FAM222A: variants seen among roughly 807,000 people sequenced by gnomAD.
FAM222A encodes protein FAM222A.
In FAM222A, 7 loss-of-function variants were observed where a neutral mutation model predicts 25.8. That is an observed-to-expected ratio of 0.27 (90% CI 0.15 to 0.51). FAM222A has a LOEUF of 0.51. FAM222A is among the 20% of genes least tolerant of loss of function. FAM222A has a pLI of 0.97. For missense variants in FAM222A, 573 were observed against 640.5 expected (o/e 0.89, Z 1.14); for synonymous variants, 294 against 298.8 (o/e 0.98, Z 0.17).
intron 2 of FAM222A, among the ~76,000 whole-genome samples, chr12:109,766,704 G>A (rs1889061019): frequency 6.6e-6 from 1 of 152,252 alleles, no homozygotes; most frequent in East Asian, 1.9e-4. Flanking sequence ...CCAAGCACTG[G>A]CAGGTTGTGG....
chr12:109,768,147 A>G lies in FAM222A; in HGVS notation c.218A>G (p.Lys73Arg). 2 of 1,613,976 alleles carry G rather than the reference A, an allele frequency of 1.2e-6. No homozygotes were observed. The highest frequency in any genetic ancestry group is 1.3e-5 in the African/African-American group (1 of 75,062). ...FPTNIRVPQHKHLSRTVNGYD... is the reference protein window; with the variant it reads ...FPTNIRVPQHRHLSRTVNGYD... ...ACCAACATCCGTGTGCCCCAGCACA[A>G]GCACCTCAGCCGCACAGTCAATGGC... Residue 73 changes from lysine to arginine, a missense_variant, in exon 3 of 3, where the codon AAG (lysine) becomes AGG (arginine). By Grantham distance (26) the Lys-to-Arg change is conservative. This residue lies in a region of FAM222A where 112 missense variants were observed against 154.6 expected (regional missense o/e 0.72). Coordinates refer to ENST00000538780, the MANE Select transcript of FAM222A (RefSeq NM_032829.3).
Position 109,770,293 on chromosome 12 carries a change from G to A in FAM222A, c.*1005G>A, listed in dbSNP as rs372010068. 1 of 152,648 alleles carries A rather than the reference G, an allele frequency of 6.6e-6. No homozygotes were observed. Among genetic ancestry groups the A allele is most frequent in the East Asian group, 1.9e-4 (1 of 5,198 alleles). 9.5% of individuals were successfully genotyped at this position (152,648 alleles called of 1,614,324 possible). A position where few individuals can be genotyped will look rare whatever the true frequency, so the allele number is the denominator to read the frequency against. ...GAAAGATAGGCAGGAGTCCCCTCACGAAGTCCTCAAGTCCTGGCCCCTCTG... is the reference window on the plus strand; with the variant it reads ...GAAAGATAGGCAGGAGTCCCCTCACAAAGTCCTCAAGTCCTGGCCCCTCTG... On this transcript the variant is annotated 3_prime_UTR_variant, in exon 3 of 3. Coordinates refer to ENST00000538780, the MANE Select transcript of FAM222A (RefSeq NM_032829.3).
rs1179336747 is a variant in FAM222A at position 109,714,402 on chromosome 12, G to C, written c.-542G>C. Reference sequence around the variant, plus strand: ...CCGAAGGAGACAATCCCTCCACCTCGGGGCGAACCCGGGGGCTGCAAGCCG... The same window carrying C: ...CCGAAGGAGACAATCCCTCCACCTCCGGGCGAACCCGGGGGCTGCAAGCCG... On this transcript the variant is annotated 5_prime_UTR_variant, in exon 1 of 3. Transcript: ENST00000538780. This position sits in a 1 kb window ranked among gnomAD's most constrained non-coding sequence, Gnocchi z 4.2. The C allele has an allele frequency of 6.6e-6, 1 of 152,468 alleles. No individual in the cohort carries two copies. The highest frequency in any genetic ancestry group is 1.5e-5 in the Non-Finnish European group (1 of 68,222). 9.4% of individuals were successfully genotyped at this position (152,468 alleles called of 1,614,324 possible). A position where few individuals can be genotyped will look rare whatever the true frequency, so the allele number is the denominator to read the frequency against.
chr12:109,738,316 T>G (rs1373211820), intron 1 of FAM222A, among the ~76,000 whole-genome samples: 1 of 152,194 alleles, frequency 6.6e-6, no homozygotes, highest in Non-Finnish European at 1.5e-5. Flanking sequence ...CACAGAGAAG[T>G]GACCCATTTA....
At chr12:109,721,753 T>A (rs1272621373) in intron 1 of FAM222A, among the ~76,000 whole-genome samples, 1 of 152,152 alleles carries the variant, frequency 6.6e-6, no homozygotes, top group African/African-American at 2.4e-5. Flanking sequence ...CCCACTTGTG[T>A]TCATCCATGC....
chr12:109,733,020 G>A (rs1887984174), intron 1 of FAM222A, among the ~76,000 whole-genome samples: 1 of 152,174 alleles, frequency 6.6e-6, no homozygotes, highest in Non-Finnish European at 1.5e-5. Context: ...CAGGGCAGAA[G>A]GTTGCCAGCT....
At chr12:109,715,122 G>C (rs1474578603) in intron 1 of FAM222A, among the ~76,000 whole-genome samples, 1 of 152,186 alleles carries the variant, frequency 6.6e-6, no homozygotes, top group Admixed American at 6.5e-5. Flanking sequence ...TGGGCGGGTT[G>C]GTTGCCAGAG....
intron 2 of FAM222A, among the ~76,000 whole-genome samples, chr12:109,758,202 C>T (rs758762655): frequency 1.4e-4 from 22 of 152,164 alleles, no homozygotes; most frequent in African/African-American, 2.2e-4. Flanking sequence ...TCTCAGCACA[C>T]GTATGTAGCT....
chr12:109,760,251 G>A (rs780065308), intron 2 of FAM222A, among the ~76,000 whole-genome samples: 11 of 152,194 alleles, frequency 7.2e-5, no homozygotes, highest in Non-Finnish European at 8.8e-5. Flanking sequence ...AGGGGCGTGG[G>A]GCAGGGGAAA....
At chr12:109,760,948 G>A (rs570596075) in intron 2 of FAM222A, among the ~76,000 whole-genome samples, 50 of 152,286 alleles carry the variant, frequency 3.3e-4, no homozygotes, top group African/African-American at 1.1e-3. Context: ...AGAGGCAGCT[G>A]GGAGCTTGGA....
At chr12:109,732,723 A>G (rs1205150542) in intron 1 of FAM222A, among the ~76,000 whole-genome samples, 1 of 152,200 alleles carries the variant, frequency 6.6e-6, no homozygotes, top group East Asian at 1.9e-4. Context: ...TACGCAGGAC[A>G]TGTTCCCCAC....
At chr12:109,763,289 G>C (rs544058919) in intron 2 of FAM222A, among the ~76,000 whole-genome samples, 57 of 152,348 alleles carry the variant, frequency 3.7e-4, no homozygotes, top group African/African-American at 1.2e-3. Context: ...TTCCTGCTCT[G>C]TACAGCGGGA....
chr12:109,733,442 C>T (rs1264897262), intron 1 of FAM222A, among the ~76,000 whole-genome samples: 1 of 151,496 alleles, frequency 6.6e-6, no homozygotes, highest in East Asian at 1.9e-4. Flanking sequence ...CGTTCTGTCA[C>T]CCAGGCTGGA....
At chr12:109,746,306 T>C (rs1233882884) in intron 2 of FAM222A, among the ~76,000 whole-genome samples, 2 of 152,028 alleles carry the variant, frequency 1.3e-5, no homozygotes, top group Non-Finnish European at 1.5e-5. Context: ...CTGGCCAACA[T>C]AGTGAAACCC....
At chr12:109,750,791 G>C (rs76164539) in intron 2 of FAM222A, among the ~76,000 whole-genome samples, 1 of 151,374 alleles carries the variant, frequency 6.6e-6, no homozygotes, top group Admixed American at 6.6e-5. Context: ...AAAAAAAAAA[G>C]TTCCTGGTTC....
chr12:109,724,524 C>G (rs1164937415), intron 1 of FAM222A, among the ~76,000 whole-genome samples: 1 of 152,176 alleles, frequency 6.6e-6, no homozygotes, highest in African/African-American at 2.4e-5. Flanking sequence ...GGACATTGGG[C>G]GCCAGCAGCC....
chr12:109,720,786 C>T (rs910256996), intron 1 of FAM222A, among the ~76,000 whole-genome samples: 1 of 152,230 alleles, frequency 6.6e-6, no homozygotes, highest in Non-Finnish European at 1.5e-5. Context: ...TGCACCCCCT[C>T]AGCCACCCAA....
rs897634447 is a variant in FAM222A at position 109,769,957 on chromosome 12, A to G, written c.*669A>G. 1 of 152,062 alleles carries G rather than the reference A, an allele frequency of 6.6e-6. No homozygotes were observed. The highest frequency in any genetic ancestry group is 2.4e-5 in the African/African-American group (1 of 41,272). 9.4% of individuals were successfully genotyped at this position (152,062 alleles called of 1,614,324 possible). On this transcript the variant is annotated 3_prime_UTR_variant, in exon 3 of 3. Transcript: ENST00000538780. The stretch of plus-strand genomic sequence containing the variant: ...ACTACCATATTCCCCCTTCCCTCCA[A>G]TACATCTTATAGGGCTGCTGGGTAC...
Position 109,748,067 on chromosome 12 carries a change from T to C in FAM222A, c.82+3839T>C, listed in dbSNP as rs527446002. Among the ~76,000 whole-genome samples, 23 of 152,280 alleles carry C rather than the reference T, an allele frequency of 1.5e-4. No homozygotes were observed. The East Asian group carries it at 4.0e-3, about 27-fold the overall frequency. On this transcript the variant is annotated intron_variant, in intron 2 of 2. Coordinates refer to ENST00000538780, the MANE Select transcript of FAM222A (RefSeq NM_032829.3). Reference sequence around the variant, plus strand: ...AAGTATCCATCTATTCCTGTTTTGTTGAGGATTTTAAAAATCAAGAATGGA... The same window carrying C: ...AAGTATCCATCTATTCCTGTTTTGTCGAGGATTTTAAAAATCAAGAATGGA...
Sources: gnomAD v4.1 joint callset for allele counts (sites outside exome capture counted in the v4.1 genomes callset) on GRCh38, gnomAD v4.1.1 for gene constraint, gnomAD v4.1.1 regional missense constraint, Gnocchi (gnomAD v3.1) non-coding constraint, MANE v1.5 for transcripts, NCBI Gene and HGNC (gene_info 2026-07-23, HGNC 2026-07-21) for gene names.